The following DHX8 variants were observed in gnomAD, a reference collection of about 807,000 sequenced individuals.
DHX8 encodes DEAH-box helicase 8, also known as ATP-dependent RNA helicase DHX8.
In DHX8, 67 loss-of-function variants were observed where a neutral mutation model predicts 140.7. The observed-to-expected ratio is 0.48, with a 90% confidence interval of 0.39 to 0.58. The LOEUF (loss-of-function observed/expected upper bound fraction) is 0.58. DHX8 is among the 20% of genes least tolerant of loss of function. The probability of loss-of-function intolerance (pLI) is 0.00; values close to 1 mark genes in which losing one functional copy is unlikely to be tolerated. For missense variants in DHX8, 887 were observed against 1,550.7 expected (o/e 0.57, Z 7.19); for synonymous variants, 533 against 553.2 (o/e 0.96, Z 0.51).
intron 12 of DHX8, among the ~76,000 whole-genome samples, chr17:43,506,580 C>T (rs1470842920): frequency 6.7e-6 from 1 of 150,174 alleles, no homozygotes; most frequent in African/African-American, 2.5e-5. Flanking sequence ...GATCATGCCA[C>T]TGCACTCCAG....
intron 2 of DHX8, among the ~76,000 whole-genome samples, chr17:43,532,297 G>A (rs1970983060): frequency 6.6e-6 from 1 of 152,114 alleles, no homozygotes; most frequent in Non-Finnish European, 1.5e-5. Context: ...TCAGGAGTTC[G>A]AGACCATCCT....
intron 2 of DHX8, chr17:43,533,347 C>T (rs1368693587): frequency 3.1e-6 from 5 of 1,612,324 alleles, no homozygotes; most frequent in Middle Eastern, 1.7e-4. Context: ...GGGTCATAGG[C>T]ACTGGAGTTG....
At chr17:43,511,049 G>A (rs982667171) in intron 16 of DHX8, among the ~76,000 whole-genome samples, 2 of 152,216 alleles carry the variant, frequency 1.3e-5, no homozygotes, top group African/African-American at 4.8e-5. Context: ...GGACATTGGA[G>A]CTGAGCGCAG....
In DHX8 at chr17:43,517,487, G is replaced by A. The variant is rs535739211; in HGVS notation, c.2799+165G>A. Reference sequence around the variant, plus strand: ...CTGTGATAACAGCCTCTCACGGCAGGTCTGGGGCTAAGTTGGCATGTCTGC... The same window carrying A: ...CTGTGATAACAGCCTCTCACGGCAGATCTGGGGCTAAGTTGGCATGTCTGC... On this transcript the variant is annotated intron_variant, in intron 18 of 22. Coordinates refer to ENST00000262415, the MANE Select transcript of DHX8 (RefSeq NM_004941.3). 38 of 764,190 alleles carry A rather than the reference G, an allele frequency of 5.0e-5. No homozygotes were observed. In the South Asian group the frequency reaches 7.4e-4, roughly 15 times the overall value. 47.3% of individuals were successfully genotyped at this position (764,190 alleles called of 1,614,324 possible).
In DHX8 at chr17:43,520,385, A is replaced by G. The variant is rs1237652474; in HGVS notation, c.2937+118A>G. On this transcript the variant is annotated intron_variant, in intron 19 of 22. Transcript: ENST00000262415. ...TGGATAAGCTTTGAGTAAAATTCTA[A>G]ATGTTTGTTTTTAACCTGAATTTCT... 14 of 1,307,040 alleles carry G rather than the reference A, an allele frequency of 1.1e-5. No individual in the cohort carries two copies. In the Admixed American group the frequency reaches 1.3e-4, roughly 12 times the overall value. 81.0% of individuals were successfully genotyped at this position (1,307,040 alleles called of 1,614,324 possible).
downstream of DHX8, chr17:43,526,328 A>G: frequency 4.2e-6 from 6 of 1,428,996 alleles, no homozygotes; most frequent in East Asian, 7.6e-5. Flanking sequence ...GCGAGAACCA[A>G]GCTCAGGAGT....
In DHX8 at chr17:43,500,073, A is replaced by C. The variant is rs1269014100; in HGVS notation, c.1516A>C (p.Asn506His). ...AEMDSIPMGL[N>H]KHWVDPLPDA... ...GATGGATTCTATTCCCATGGGACTC[A>C]ACAAACACTGGGTTGACCCTCTGCC... The change falls in exon 11 of 23, where the codon AAC becomes CAC. Residue 506 changes from asparagine (N) to histidine (H), a missense_variant. Transcript: ENST00000262415. 1.2e-6 allele frequency: 2 copies of C among 1,614,162 alleles called. No individual in the cohort carries two copies. Among genetic ancestry groups the C allele is most frequent in the Non-Finnish European group, 1.7e-6 (2 of 1,180,020 alleles).
intron 2 of DHX8, chr17:43,533,301 C>T (rs780292322): frequency 6.2e-7 from 1 of 1,613,738 alleles, no homozygotes; most frequent in Non-Finnish European, 8.5e-7. Context: ...TCCAAGGGCA[C>T]CAGGGGCAGG....
chr17:43,484,887 C>A (rs974225370), intron 1 of DHX8, among the ~76,000 whole-genome samples: 4 of 152,214 alleles, frequency 2.6e-5, no homozygotes, highest in Non-Finnish European at 5.9e-5. Flanking sequence ...AAGCAGTCCT[C>A]TTCCCTCGGC....
Position 43,484,082 on chromosome 17 carries a change from GC to G in DHX8, c.47del (p.Pro16GlnfsTer38). On this transcript the variant is annotated frameshift_variant, in exon 1 of 23. Transcript: ENST00000262415. LOFTEE classifies it high-confidence loss of function. ...AMAGALIGSE[P>X]GPAEELAKLE... is the part of the protein sequence containing the mutation. ...TGGCGGGAGCCTTAATCGGGTCGGA[GC>G]CAGGCCCCGCGGAAGAACTTGCCAA... The G allele has an allele frequency of 6.2e-7, 1 of 1,614,188 alleles. No homozygotes were observed. Among genetic ancestry groups the G allele is most frequent in the African/African-American group, 1.3e-5 (1 of 75,048 alleles).
At chr17:43,504,894 A>G in intron 12 of DHX8, 69 bp downstream of exon 12, 1 of 1,390,792 alleles carries the variant, frequency 7.2e-7, no homozygotes, top group Non-Finnish European at 9.9e-7. Flanking sequence ...GATATTTTTA[A>G]ACTGAAACTA....
In DHX8 at chr17:43,539,733, C is replaced by T. The variant is rs532363728; in HGVS notation, c.*20+3235C>T. Among the ~76,000 whole-genome samples, 61 of 152,314 alleles carry T rather than the reference C, an allele frequency of 4.0e-4. No homozygotes were observed. The South Asian group carries it at 9.3e-3, about 23-fold the overall frequency. ...CCTAGCCCTTCCCTGCAGGCTCCCC[C>T]TCTCCACACACAAGGCAACACTAGA... On this transcript the variant is annotated intron_variant, in intron 3 of 3. Coordinates refer to the DHX8 transcript ENST00000589898.
chr17:43,494,915 G>A lies in DHX8; in HGVS notation c.1212+1029G>A, dbSNP rs546008186. Among the ~76,000 whole-genome samples the A allele has an allele frequency of 1.3e-4, 19 of 150,546 alleles. No individual in the cohort carries two copies. The East Asian group carries it at 3.8e-3, about 30-fold the overall frequency. Reference sequence around the variant, plus strand: ...CAACCTCTGCCTCCCGGGTTCAAGCGATTGTCGTGCCTCAGCCTCCCGAGT... The same window carrying A: ...CAACCTCTGCCTCCCGGGTTCAAGCAATTGTCGTGCCTCAGCCTCCCGAGT... On this transcript the variant is annotated intron_variant, in intron 8 of 22. Coordinates refer to ENST00000262415, the MANE Select transcript of DHX8 (RefSeq NM_004941.3).
chr17:43,517,469 A>C, intron 18 of DHX8, 147 bp downstream of exon 18: 5 of 912,456 alleles, frequency 5.5e-6, no homozygotes, highest in Non-Finnish European at 7.9e-6. Flanking sequence ...TGGCTGTGAT[A>C]ACAGCCTCTC....
chr17:43,488,813 C>T lies in DHX8; in HGVS notation c.149-636C>T, dbSNP rs115829076. Among the ~76,000 whole-genome samples the T allele has an allele frequency of 2.5e-3, 388 of 152,180 alleles. 3 individuals are homozygous for T. The highest frequency in any genetic ancestry group is 9.0e-3 in the African/African-American group (373 of 41,512). ...CTTTACAGTCTAGTCTAGGTGGCAGCGTGCCCAGGTAGTGGTTTTGTGAGA... is the reference window on the plus strand; with the variant it reads ...CTTTACAGTCTAGTCTAGGTGGCAGTGTGCCCAGGTAGTGGTTTTGTGAGA... On this transcript the variant is annotated intron_variant, in intron 1 of 22. Transcript: ENST00000262415.
intron 18 of DHX8, 53 bp downstream of exon 18, chr17:43,517,375 C>T (rs1207262587): frequency 6.4e-7 from 1 of 1,559,634 alleles, no homozygotes; most frequent in Admixed American, 1.9e-5. Flanking sequence ...CAATCCTGGC[C>T]TTCATAAATG....
chr17:43,506,809 T>A (rs931914691), intron 12 of DHX8, among the ~76,000 whole-genome samples, 194 bp from the exon 13 acceptor site: 4 of 152,188 alleles, frequency 2.6e-5, no homozygotes, highest in Non-Finnish European at 5.9e-5. Context: ...GAACATTTTT[T>A]ATGTATCTTT....
intron 3 of DHX8, among the ~76,000 whole-genome samples, chr17:43,537,388 AT>A (rs1567712851): frequency 6.6e-6 from 1 of 151,266 alleles, no homozygotes; most frequent in African/African-American, 2.4e-5. Flanking sequence ...AAATTAAATA[AT>A]AAATAAAATC....
chr17:43,524,547 G>C lies in DHX8; in HGVS notation c.*700G>C. ...GCCGGGCCGTGCTGGGGGATCACCC[G>C]ATGATCAACCATGTCCTCTCCACAG... On this transcript the variant is annotated 3_prime_UTR_variant, in exon 23 of 23. Coordinates refer to ENST00000262415, the MANE Select transcript of DHX8 (RefSeq NM_004941.3). 1.0e-6 allele frequency: 1 copy of C among 986,374 alleles called. No homozygotes were observed. Among genetic ancestry groups the C allele is most frequent in the Non-Finnish European group, 1.2e-6 (1 of 830,782 alleles). 61.1% of individuals were successfully genotyped at this position (986,374 alleles called of 1,614,324 possible). A position where few individuals can be genotyped will look rare whatever the true frequency, so the allele number is the denominator to read the frequency against.
Sources: gnomAD v4.1 joint callset for allele counts (sites outside exome capture counted in the v4.1 genomes callset) on GRCh38, gnomAD v4.1.1 for gene constraint, MANE v1.5 for transcripts, NCBI Gene and HGNC (gene_info 2026-07-23, HGNC 2026-07-21) for gene names.